ATRNL1: variants seen among roughly 807,000 people sequenced by gnomAD.
ATRNL1 encodes attractin like 1.
Under a neutral mutation model 182.7 loss-of-function variants are expected in ATRNL1, and 95 were observed. The ratio of observed to expected loss-of-function variants is 0.52; its 90% CI spans 0.44 to 0.62. The LOEUF (loss-of-function observed/expected upper bound fraction) is 0.62. ATRNL1 is among the 20% of genes least tolerant of loss of function. The pLI is 0.00. For synonymous variants in ATRNL1, 576 were observed against 568.3 expected (o/e 1.01, Z -0.19); for missense variants, 1,471 against 1,679.5 (o/e 0.88, Z 2.17).
intron 25 of ATRNL1, among the ~76,000 whole-genome samples, chr10:115,520,113 C>G (rs1400661498): frequency 6.6e-6 from 1 of 152,114 alleles, no homozygotes; most frequent in Admixed American, 6.6e-5. Context: ...ATGACTTCTC[C>G]TTCTGGCAGA....
At chr10:115,300,674 G>A (rs1356371944) in intron 16 of ATRNL1, among the ~76,000 whole-genome samples, 2 of 152,072 alleles carry the variant, frequency 1.3e-5, no homozygotes, top group African/African-American at 4.8e-5. Flanking sequence ...TGTTAAGTAA[G>A]AAAGGAATAT....
intron 9 of ATRNL1, among the ~76,000 whole-genome samples, chr10:115,233,828 CTT>C (rs1351736093): frequency 6.6e-6 from 1 of 151,872 alleles, no homozygotes; most frequent in Admixed American, 6.6e-5. Context: ...ATTAACTCAA[CTT>C]GGGTTAAATC....
chr10:115,376,203 G>A (rs1475111606), intron 19 of ATRNL1, among the ~76,000 whole-genome samples: 5 of 151,742 alleles, frequency 3.3e-5, no homozygotes, highest in African/African-American at 1.2e-4. Context: ...AGGGGGTAGG[G>A]ATTTCCATTA....
intron 21 of ATRNL1, among the ~76,000 whole-genome samples, chr10:115,451,946 T>C (rs1847304111): frequency 6.6e-6 from 1 of 152,170 alleles, no homozygotes; most frequent in Non-Finnish European, 1.5e-5. Context: ...AATGAGATCA[T>C]ATATTTTGTG....
At chr10:115,547,359 T>A (rs1852727740) in intron 25 of ATRNL1, among the ~76,000 whole-genome samples, 1 of 151,580 alleles carries the variant, frequency 6.6e-6, no homozygotes, top group South Asian at 2.1e-4. Context: ...TCAGCTACAA[T>A]GAGTATTTAA....
At chr10:115,597,776 C>G (rs375081812) in intron 26 of ATRNL1, 3 of 386,772 alleles carry the variant, frequency 7.8e-6, no homozygotes, top group African/African-American at 2.1e-5. Context: ...CTCAGGCGAT[C>G]TGCCCACCTC....
chr10:115,757,952 G>T (rs1320623756), intron 27 of ATRNL1, among the ~76,000 whole-genome samples: 1 of 151,288 alleles, frequency 6.6e-6, no homozygotes, highest in Non-Finnish European at 1.5e-5. Flanking sequence ...TTGTGATTCG[G>T]TTATTGATAC....
At chr10:115,179,325 T>C (rs1554887465) in intron 8 of ATRNL1, among the ~76,000 whole-genome samples, 2 of 151,992 alleles carry the variant, frequency 1.3e-5, no homozygotes, top group Non-Finnish European at 2.9e-5. Flanking sequence ...GGGGTTGTGG[T>C]ATTTTATTCC....
intron 25 of ATRNL1, among the ~76,000 whole-genome samples, chr10:115,536,047 C>G (rs926707111): frequency 6.6e-6 from 1 of 152,014 alleles, no homozygotes; most frequent in Non-Finnish European, 1.5e-5. Context: ...TTAGGCTTCT[C>G]GGGGGTCAGG....
chr10:115,651,839 C>A (rs1178137502), intron 26 of ATRNL1, among the ~76,000 whole-genome samples: 1 of 152,054 alleles, frequency 6.6e-6, no homozygotes, highest in Non-Finnish European at 1.5e-5. Flanking sequence ...GTGATGAATT[C>A]ATCATCCTTC....
intron 26 of ATRNL1, among the ~76,000 whole-genome samples, chr10:115,585,356 G>A (rs1423652541): frequency 8.9e-6 from 1 of 112,232 alleles, no homozygotes; most frequent in Non-Finnish European, 1.9e-5. Flanking sequence ...GGGTGTTAAA[G>A]TCTCCCATTA....
At chr10:115,724,789 T>C (rs782015389) in intron 26 of ATRNL1, among the ~76,000 whole-genome samples, 1 of 152,062 alleles carries the variant, frequency 6.6e-6, no homozygotes, top group East Asian at 1.9e-4. Flanking sequence ...AGTAGGACAA[T>C]TGTTAAGAAT....
chr10:115,676,161 A>C (rs567164726), intron 26 of ATRNL1, among the ~76,000 whole-genome samples: 1 of 152,230 alleles, frequency 6.6e-6, no homozygotes, highest in African/African-American at 2.4e-5. Context: ...CTAGCATATG[A>C]AACCATATAC....
At chr10:115,582,442 T>C (rs1400758516) in intron 26 of ATRNL1, among the ~76,000 whole-genome samples, 3 of 135,986 alleles carry the variant, frequency 2.2e-5, no homozygotes, top group South Asian at 2.8e-4. Context: ...CCATTCTAAC[T>C]GGTGTGAGAT....
At chr10:115,691,583 A>G (rs1946394997) in intron 26 of ATRNL1, among the ~76,000 whole-genome samples, 1 of 152,120 alleles carries the variant, frequency 6.6e-6, no homozygotes, top group Non-Finnish European at 1.5e-5. Flanking sequence ...TTAGCTGAGC[A>G]TGGTGGTGCA....
At chr10:115,213,506 T>C (rs1241445894) in intron 8 of ATRNL1, among the ~76,000 whole-genome samples, 3 of 152,108 alleles carry the variant, frequency 2.0e-5, no homozygotes, top group Non-Finnish European at 4.4e-5. Flanking sequence ...GTAACCTTCT[T>C]CTGTTGGGTG....
intron 20 of ATRNL1, among the ~76,000 whole-genome samples, chr10:115,406,639 T>G (rs936919684): frequency 6.6e-6 from 1 of 152,186 alleles, no homozygotes; most frequent in Non-Finnish European, 1.5e-5. Flanking sequence ...CTTTAAAAGT[T>G]TCATCTCTTT....
At chr10:115,471,037 A>G (rs1206717696) in intron 24 of ATRNL1, among the ~76,000 whole-genome samples, 2 of 150,796 alleles carry the variant, frequency 1.3e-5, no homozygotes, top group African/African-American at 2.4e-5. Context: ...AAGTGATATC[A>G]TGCAATATTT....
intron 20 of ATRNL1, among the ~76,000 whole-genome samples, chr10:115,414,745 A>G (rs1845307367): frequency 6.6e-6 from 1 of 151,668 alleles, no homozygotes; most frequent in South Asian, 2.1e-4. Flanking sequence ...TTATTATTTC[A>G]CCTTCTTACA....
Sources: gnomAD v4.1 joint callset for allele counts (sites outside exome capture counted in the v4.1 genomes callset) on GRCh38, gnomAD v4.1.1 for gene constraint, MANE v1.5 for transcripts, NCBI Gene and HGNC (gene_info 2026-07-23, HGNC 2026-07-21) for gene names.